The following TBC1D15 variants were observed in gnomAD, a reference collection of about 807,000 sequenced individuals.
TBC1D15 encodes TBC1 domain family member 15.
A neutral mutation model predicts 95.4 loss-of-function variants in TBC1D15; 39 were observed. The ratio of observed to expected loss-of-function variants is 0.41; its 90% confidence interval spans 0.32 to 0.53. The LOEUF is 0.53. Ranked by LOEUF, TBC1D15 falls within the 20% of genes least tolerant of loss-of-function variation. TBC1D15 has a pLI of 0.29. For missense variants in TBC1D15, 733 were observed against 794.3 expected (o/e 0.92, Z 0.93); for synonymous variants, 258 against 261.3 (o/e 0.99, Z 0.12).
intron 10 of TBC1D15, among the ~76,000 whole-genome samples, chr12:71,901,114 G>A (rs1899282813): frequency 1.3e-5 from 2 of 152,112 alleles, no homozygotes; most frequent in South Asian, 4.1e-4. Context: ...CACTGCAGCT[G>A]GGCTCAAAGG....
intron 1 of TBC1D15, among the ~76,000 whole-genome samples, chr12:71,858,227 C>T: frequency 6.6e-6 from 1 of 152,202 alleles, no homozygotes; most frequent in East Asian, 1.9e-4. Context: ...CATGTACCAC[C>T]ACGCATGGCT....
At position 71,896,113 on chromosome 12, in the gene TBC1D15, T is replaced by A. The variant is rs549271012; in HGVS notation, c.984+38T>A. ...CTCTAATATGGCTTGTCTTATAAACTCCTAGTATTTAGGGGTTTTGTTGTT... is the reference window on the plus strand; with the variant it reads ...CTCTAATATGGCTTGTCTTATAAACACCTAGTATTTAGGGGTTTTGTTGTT... On this transcript the variant is annotated intron_variant, in intron 8 of 16. Transcript: ENST00000485960. 5 of 1,528,708 alleles carry A rather than the reference T, an allele frequency of 3.3e-6. No individual in the cohort carries two copies. The South Asian group carries it at 6.3e-5, about 19-fold the overall frequency. The allele number at this position is 1,528,708 out of a possible 1,614,324, so 94.7% of individuals were successfully genotyped here.
chr12:71,912,336 C>T (rs1902584140), intron 11 of TBC1D15, among the ~76,000 whole-genome samples: 1 of 152,078 alleles, frequency 6.6e-6, no homozygotes, highest in Non-Finnish European at 1.5e-5. Flanking sequence ...AATTGGATGT[C>T]CTCCATGAGA....
intron 6 of TBC1D15, 59 bp from the exon 7 acceptor site, chr12:71,894,627 A>G: frequency 2.8e-6 from 4 of 1,436,416 alleles, no homozygotes; most frequent in Non-Finnish European, 3.8e-6. Flanking sequence ...CTCATGATGG[A>G]GTATTCGTTT....
intron 1 of TBC1D15, among the ~76,000 whole-genome samples, chr12:71,863,377 CAAAAA>C (rs905952253): frequency 6.7e-6 from 1 of 149,866 alleles, no homozygotes; most frequent in African/African-American, 2.5e-5. Context: ...GACTCTGTCT[CAAAAA>C]AAAGAAAAGA....
chr12:71,846,755 CTTTTT>C (rs10651326), intron 1 of TBC1D15, among the ~76,000 whole-genome samples: 3 of 111,184 alleles, frequency 2.7e-5, no homozygotes, highest in Admixed American at 1.0e-4. Context: ...TTTTATACAG[CTTTTT>C]TTTTTTTTTT....
chr12:71,886,012 A>G (rs139914848), intron 5 of TBC1D15, among the ~76,000 whole-genome samples: 1 of 152,364 alleles, frequency 6.6e-6, no homozygotes, highest in East Asian at 1.9e-4. Flanking sequence ...AAGTCATGTT[A>G]GCAGGTTCTT....
intron 1 of TBC1D15, among the ~76,000 whole-genome samples, chr12:71,848,192 T>C (rs1281081263): frequency 2.6e-5 from 4 of 152,240 alleles, no homozygotes; most frequent in Non-Finnish European, 5.9e-5. Flanking sequence ...TCATTTTTCT[T>C]GATTGGATAC....
intron 1 of TBC1D15, among the ~76,000 whole-genome samples, chr12:71,844,141 C>G (rs1442248810): frequency 1.3e-5 from 2 of 152,188 alleles, no homozygotes; most frequent in African/African-American, 4.8e-5. Context: ...TCCTCATCCC[C>G]ACTACCATTG....
At chr12:71,894,969 T>C (rs549761394) in intron 7 of TBC1D15, 86 bp downstream of exon 7, 3 of 1,267,672 alleles carry the variant, frequency 2.4e-6, no homozygotes, top group African/African-American at 1.5e-5. Context: ...TTTGGTGATA[T>C]CTGCTTCTTT....
At chr12:71,873,304 CAT>C (rs1215590643) in intron 3 of TBC1D15, among the ~76,000 whole-genome samples, 4 of 152,084 alleles carry the variant, frequency 2.6e-5, no homozygotes, top group Non-Finnish European at 4.4e-5. Flanking sequence ...TAAATGGAGT[CAT>C]GTAATAATGT....
chr12:71,909,546 G>T (rs61924152), intron 11 of TBC1D15, among the ~76,000 whole-genome samples: 12,463 of 152,222 alleles, frequency 0.082, 699 homozygotes, highest in Non-Finnish European at 0.12. Flanking sequence ...TCAATGAAAG[G>T]TTAAATTAGG....
At chr12:71,920,640 A>G in intron 14 of TBC1D15, 91 bp from the exon 15 acceptor site, 3 of 996,178 alleles carry the variant, frequency 3.0e-6, no homozygotes, top group Non-Finnish European at 3.2e-6. Context: ...TCTACTTTGC[A>G]TAGAAGTCAT....
At chr12:71,859,671 G>C (rs1419901213) in intron 1 of TBC1D15, among the ~76,000 whole-genome samples, 1 of 151,850 alleles carries the variant, frequency 6.6e-6, no homozygotes, top group African/African-American at 2.4e-5. Context: ...GTAGTGGCGT[G>C]ATCTCAACTC....
intron 12 of TBC1D15, among the ~76,000 whole-genome samples, chr12:71,916,824 C>A (rs1032809429): frequency 1.3e-5 from 2 of 152,086 alleles, no homozygotes; most frequent in African/African-American, 4.8e-5. Flanking sequence ...CATATGAACC[C>A]CAGCAGTTCC....
At chr12:71,841,178 G>A (rs982674232) in intron 1 of TBC1D15, 9 of 152,084 alleles carry the variant, frequency 5.9e-5, no homozygotes, top group African/African-American at 2.2e-4. Flanking sequence ...AACTGATCCA[G>A]GCTGGGACTT....
chr12:71,912,381 C>T (rs747226991), intron 11 of TBC1D15, among the ~76,000 whole-genome samples: 6 of 152,066 alleles, frequency 3.9e-5, no homozygotes, highest in African/African-American at 7.2e-5. Context: ...TTGAGTAGAG[C>T]TATATTTTCC....
In TBC1D15 at chr12:71,894,830, C is replaced by T; in HGVS notation, c.802C>T (p.Pro268Ser). Residue 268 changes from proline to serine, a missense_variant, in exon 7 of 17, where the codon CCA (proline) becomes TCA (serine). Physicochemically the swap from Pro to Ser is moderately conservative, Grantham distance 74. Transcript: ENST00000485960. ...GGCAGATTTTCTTAGTGATGCTATT[C>T]CAGGTCTAAAGATAAATCAACAAGA... is the stretch of plus-strand genomic sequence containing the variant. ...EMADFLSDAI[P>S]GLKINQQEEP... 6.2e-7 allele frequency: 1 copy of T among 1,613,086 alleles called. No individual in the cohort carries two copies. Among genetic ancestry groups the T allele is most frequent in the Non-Finnish European group, 8.5e-7 (1 of 1,179,298 alleles).
chr12:71,865,044 G>A lies in TBC1D15; in HGVS notation c.31-7026G>A, dbSNP rs117317133. On this transcript the variant is annotated intron_variant, in intron 1 of 16. Coordinates refer to ENST00000485960, the MANE Select transcript of TBC1D15 (RefSeq NM_001146213.3). ...CTCACAACAGGAGACTTAGCTGAGG[G>A]TGTCTAAGTCCTTTTTGGTGTCAGA... 1.8e-4 allele frequency among the ~76,000 whole-genome samples: 28 copies of A among 152,320 alleles called. No homozygotes were observed. In the East Asian group the frequency reaches 5.4e-3, roughly 29 times the overall value.
Sources: gnomAD v4.1 joint callset for allele counts (sites outside exome capture counted in the v4.1 genomes callset) on GRCh38, gnomAD v4.1.1 for gene constraint, MANE v1.5 for transcripts, NCBI Gene and HGNC (gene_info 2026-07-23, HGNC 2026-07-21) for gene names.